The following TRAPPC10 variants were observed in gnomAD, a reference collection of about 807,000 sequenced individuals.
The protein encoded by TRAPPC10 is trafficking protein particle complex subunit 10.
TRAPPC10 carries 23 observed loss-of-function variants against 125.5 expected under a neutral mutation model. That is an observed-to-expected ratio of 0.18 (90% CI 0.13 to 0.26). The LOEUF is 0.26. Ranked by LOEUF, TRAPPC10 falls within the 10% of genes least tolerant of loss-of-function variation. The pLI, the probability that TRAPPC10 is intolerant of heterozygous loss-of-function variation, is 1.00. For missense variants in TRAPPC10, 1,123 were observed against 1,308.4 expected (o/e 0.86, Z 2.19); for synonymous variants, 509 against 518.0 (o/e 0.98, Z 0.24).
At chr21:44,073,983 T>TAA (rs3216367) in intron 7 of TRAPPC10, among the ~76,000 whole-genome samples, 1 of 151,524 alleles carries the variant, frequency 6.6e-6, no homozygotes, top group Non-Finnish European at 1.5e-5. Context: ...TTCCTTTTTT[T>TAA]AAAAAAAAAT....
chr21:44,084,557 A>G (rs374120483), intron 15 of TRAPPC10, among the ~76,000 whole-genome samples: 15 of 152,138 alleles, frequency 9.9e-5, no homozygotes, highest in African/African-American at 2.2e-4. Context: ...ATTTTTTTCT[A>G]TTGGCTCACT....
At chr21:44,081,397 A>G (rs2037727278) in intron 13 of TRAPPC10, among the ~76,000 whole-genome samples, 1 of 149,926 alleles carries the variant, frequency 6.7e-6, no homozygotes, top group Admixed American at 6.6e-5. Context: ...GAGCTCAAGG[A>G]ATCTACACAC....
At chr21:44,018,420 G>C (rs1044304981) in intron 1 of TRAPPC10, among the ~76,000 whole-genome samples, 2 of 151,968 alleles carry the variant, frequency 1.3e-5, no homozygotes, top group Non-Finnish European at 2.9e-5. Flanking sequence ...AAAAATAAAG[G>C]CTGGGCGCAG....
intron 1 of TRAPPC10, among the ~76,000 whole-genome samples, chr21:44,028,389 G>A (rs1440050056): frequency 1.3e-5 from 2 of 152,168 alleles, no homozygotes; most frequent in Non-Finnish European, 2.9e-5. Context: ...CGGCACCCTA[G>A]AAAGAGTGCC....
intron 17 of TRAPPC10, chr21:44,089,132 C>T (rs905654010): frequency 5.2e-5 from 14 of 270,716 alleles, no homozygotes; most frequent in East Asian, 1.2e-4. Flanking sequence ...TCTTCCCTGG[C>T]GCTGGTGGCA....
Position 44,052,777 on chromosome 21 carries a change from A to G in TRAPPC10, c.482+301A>G, listed in dbSNP as rs146176499. 2.6e-3 allele frequency among the ~76,000 whole-genome samples: 392 copies of G among 150,536 alleles called. 2 individuals are homozygous for G. The highest frequency in any genetic ancestry group is 8.5e-3 in the African/African-American group (348 of 41,106). ...AGCAGCTCCTGCAGTTCTTCTGTAGAACGGGTCCTTAAAGGTTTTTGTTTT... is the reference window on the plus strand; with the variant it reads ...AGCAGCTCCTGCAGTTCTTCTGTAGGACGGGTCCTTAAAGGTTTTTGTTTT... On this transcript the variant is annotated intron_variant, in intron 4 of 22. Coordinates refer to ENST00000291574, the MANE Select transcript of TRAPPC10 (RefSeq NM_003274.5).
intron 2 of TRAPPC10, 73 bp downstream of exon 2, chr21:44,032,245 T>G: frequency 7.9e-7 from 1 of 1,259,040 alleles, no homozygotes; most frequent in Non-Finnish European, 1.1e-6. Context: ...TTTAAATAAG[T>G]ATATGTTGTT....
chr21:44,029,543 T>C (rs9306170), intron 1 of TRAPPC10, among the ~76,000 whole-genome samples: 3,384 of 152,340 alleles, frequency 0.022, 144 homozygotes, highest in African/African-American at 0.076. Flanking sequence ...TTCACATTGT[T>C]AATGCAGCGC....
intron 11 of TRAPPC10, among the ~76,000 whole-genome samples, chr21:44,079,051 G>A (rs1210177816): frequency 2.0e-5 from 3 of 152,208 alleles, no homozygotes; most frequent in Non-Finnish European, 4.4e-5. Flanking sequence ...CTCTTTGCCT[G>A]AGTTTCCAAG....
At chr21:44,027,998 G>A (rs1367750869) in intron 1 of TRAPPC10, among the ~76,000 whole-genome samples, 1 of 152,206 alleles carries the variant, frequency 6.6e-6, no homozygotes, top group Non-Finnish European at 1.5e-5. Context: ...TTTATTGTAT[G>A]TTGTTATGGC....
At chr21:44,032,322 C>A in intron 2 of TRAPPC10, 150 bp downstream of exon 2, 1 of 578,464 alleles carries the variant, frequency 1.7e-6, no homozygotes, top group Non-Finnish European at 3.0e-6. Context: ...AACAGAATGA[C>A]CTCACATAAT....
At chr21:44,080,817 A>G (rs2037652936) in intron 13 of TRAPPC10, among the ~76,000 whole-genome samples, 1 of 150,402 alleles carries the variant, frequency 6.6e-6, no homozygotes, top group Non-Finnish European at 1.5e-5. Context: ...GGGATTACAG[A>G]TGTGAGCCAC....
chr21:44,094,994 T>C (rs984997807), intron 20 of TRAPPC10, among the ~76,000 whole-genome samples: 1 of 149,866 alleles, frequency 6.7e-6, no homozygotes, highest in African/African-American at 2.4e-5. Flanking sequence ...CACAAATTAT[T>C]AAATAATTTA....
intron 14 of TRAPPC10, among the ~76,000 whole-genome samples, chr21:44,083,566 T>G (rs1217214614): frequency 1.3e-5 from 2 of 152,274 alleles, no homozygotes; most frequent in African/African-American, 4.8e-5. Context: ...ATTGGATTAT[T>G]GGATTCAGTT....
rs539682576 is a variant in TRAPPC10, at chr21:44,086,480, C to T, written c.2381-322C>T. Among the ~76,000 whole-genome samples, 6 of 152,348 alleles carry T rather than the reference C, an allele frequency of 3.9e-5. No individual in the cohort carries two copies. The East Asian group carries it at 1.2e-3, about 29-fold the overall frequency. ...CTCATTATGTGATTCTCTTCTACTA[C>T]TAATGGGCAGGCAAATTTTGTGACC... On this transcript the variant is annotated intron_variant, in intron 15 of 22. Coordinates refer to ENST00000291574, the MANE Select transcript of TRAPPC10 (RefSeq NM_003274.5).
At chr21:44,043,445 C>G (rs2034558739) in intron 3 of TRAPPC10, among the ~76,000 whole-genome samples, 1 of 152,060 alleles carries the variant, frequency 6.6e-6, no homozygotes, top group Non-Finnish European at 1.5e-5. Flanking sequence ...AACTCCTGAC[C>G]TCGTGATCCA....
chr21:44,058,981 G>A (rs991682062), intron 5 of TRAPPC10, 122 bp from the exon 6 acceptor site: 3 of 632,590 alleles, frequency 4.7e-6, no homozygotes, highest in East Asian at 2.9e-5. Flanking sequence ...GTTACTTAGC[G>A]GAGCGTAGAC....
intron 3 of TRAPPC10, among the ~76,000 whole-genome samples, chr21:44,051,687 C>T (rs1246170211): frequency 1.3e-5 from 2 of 152,218 alleles, no homozygotes; most frequent in South Asian, 2.1e-4. Flanking sequence ...AGCTGCAGGT[C>T]GCCTTCTTTC....
chr21:44,091,826 TGA>T, intron 18 of TRAPPC10, 95 bp from the exon 19 acceptor site: 1 of 1,201,410 alleles, frequency 8.3e-7, no homozygotes, highest in Non-Finnish European at 1.2e-6. Context: ...GTTGCTTTTT[TGA>T]TTCCCCAGGC....
Sources: allele counts gnomAD v4.1 joint callset (sites outside exome capture counted in the v4.1 genomes callset), GRCh38; gene constraint gnomAD v4.1.1; transcripts MANE v1.5; gene names NCBI Gene and HGNC (gene_info 2026-07-23, HGNC 2026-07-21).